Variants in ANKS1B observed in about 807,000 individuals in gnomAD.
ANKS1B encodes the protein ankyrin repeat and sterile alpha motif domain-containing protein 1B.
A neutral mutation model predicts 148.3 loss-of-function variants in ANKS1B; 36 were observed. The observed-to-expected ratio is 0.24, with a 90% confidence interval of 0.19 to 0.32. The LOEUF (loss-of-function observed/expected upper bound fraction) is 0.32, where lower values mean the gene tolerates loss of function less well. ANKS1B is among the 10% of genes least tolerant of loss of function. The pLI, the probability that ANKS1B is intolerant of heterozygous loss-of-function variation, is 1.00. For synonymous variants in ANKS1B, 542 were observed against 560.8 expected, an observed-to-expected ratio of 0.97 and a Z score of 0.47; for missense variants, 1,157 against 1,542.6, an observed-to-expected ratio of 0.75 and a Z score of 4.19.
At chr12:98,933,590 C>G (rs1427577903) in intron 17 of ANKS1B, among the ~76,000 whole-genome samples, 1 of 152,020 alleles carries the variant, frequency 6.6e-6, no homozygotes, top group East Asian at 1.9e-4. Context: ...CTTTTCATAG[C>G]AGCTATACCA....
chr12:99,758,467 C>A (rs1005059701), intron 8 of ANKS1B, among the ~76,000 whole-genome samples: 3 of 151,786 alleles, frequency 2.0e-5, no homozygotes, highest in African/African-American at 7.2e-5. Context: ...GTGTTAGGTA[C>A]TCCATACTTA....
At chr12:99,448,396 C>G (rs973510702) in intron 10 of ANKS1B, among the ~76,000 whole-genome samples, 7 of 152,084 alleles carry the variant, frequency 4.6e-5, no homozygotes, top group African/African-American at 1.7e-4. Flanking sequence ...TAAACAAAGT[C>G]GAACTCACAG....
rs182749165 is a variant in ANKS1B, at chr12:98,829,652, T to C, written c.2887-299A>G. Among the ~76,000 whole-genome samples, 443 of 152,324 alleles carry C rather than the reference T, an allele frequency of 2.9e-3. 10 individuals carry two copies. Among genetic ancestry groups the C allele is most frequent in the Admixed American group, 0.027 (415 of 15,302 alleles). ...CTATGTTGGGCACCTCTGACACTAC[T>C]GCATGTGTTTACAGGGGAGGAACTG... is the stretch of plus-strand genomic sequence containing the variant. On this transcript the variant is annotated intron_variant, in intron 18 of 26. Transcript: ENST00000683438. The surrounding 1 kb of genome is among the most constrained non-coding windows in gnomAD (Gnocchi z 5.2).
At chr12:99,648,011 C>A (rs1598796380) in intron 9 of ANKS1B, 2 of 958,222 alleles carry the variant, frequency 2.1e-6, no homozygotes, top group East Asian at 2.6e-5. Context: ...GTAATCAATA[C>A]CCCACCCTCC....
At chr12:99,601,013 C>T (rs538889178) in intron 9 of ANKS1B, among the ~76,000 whole-genome samples, 279 of 152,062 alleles carry the variant, frequency 1.8e-3, no homozygotes, top group Non-Finnish European at 3.0e-3. Flanking sequence ...GGGACCATGC[C>T]AGATAGTAGT....
At chr12:99,430,359 AGAG>A (rs2095348588) in intron 11 of ANKS1B, among the ~76,000 whole-genome samples, 1 of 152,174 alleles carries the variant, frequency 6.6e-6, no homozygotes, top group African/African-American at 2.4e-5. Flanking sequence ...AAAGAGAAGT[AGAG>A]GAGGAGTCTA....
At chr12:98,876,014 T>C (rs541645431) in intron 17 of ANKS1B, among the ~76,000 whole-genome samples, 1 of 152,280 alleles carries the variant, frequency 6.6e-6, no homozygotes, top group South Asian at 2.1e-4. Context: ...TAACAAAAAC[T>C]GAAGGACAGG....
At chr12:98,989,665 C>G (rs2099925385) in intron 17 of ANKS1B, among the ~76,000 whole-genome samples, 1 of 152,082 alleles carries the variant, frequency 6.6e-6, no homozygotes, top group Non-Finnish European at 1.5e-5. Context: ...ATGAGCCAGG[C>G]ACGGTGGCTT....
At position 99,189,558 on chromosome 12, in the gene ANKS1B, C is replaced by T. The variant is rs1395929829; in HGVS notation, c.2420-35163G>A. ...TTCAATATATATACAAATCAATAAA[C>T]ATTATCCATGACATAAACAGAACCA... is the stretch of plus-strand genomic sequence containing the variant. On this transcript the variant is annotated intron_variant, in intron 14 of 26. Coordinates refer to ENST00000683438, the MANE Select transcript of ANKS1B (RefSeq NM_001352186.2). Among the ~76,000 whole-genome samples the T allele has an allele frequency of 2.0e-5, 3 of 152,250 alleles. No homozygotes were observed. The East Asian group carries it at 5.8e-4, about 29-fold the overall frequency.
At chr12:99,449,410 C>T (rs572508206) in intron 10 of ANKS1B, among the ~76,000 whole-genome samples, 58 of 152,150 alleles carry the variant, frequency 3.8e-4, no homozygotes, top group African/African-American at 1.2e-3. Context: ...TTAAAAGCAT[C>T]GAAACTTATA....
chr12:99,616,614 T>G (rs561834426), intron 9 of ANKS1B, among the ~76,000 whole-genome samples: 1 of 152,314 alleles, frequency 6.6e-6, no homozygotes, highest in Admixed American at 6.5e-5. Flanking sequence ...CTGAACCCCT[T>G]TCTTACATCT....
chr12:99,955,995 C>A (rs2095317367), intron 1 of ANKS1B, among the ~76,000 whole-genome samples: 1 of 152,070 alleles, frequency 6.6e-6, no homozygotes. Context: ...TGGGATGAGG[C>A]TGGGTGCCAT....
At chr12:99,635,906 T>C (rs943715587) in intron 9 of ANKS1B, among the ~76,000 whole-genome samples, 2 of 152,022 alleles carry the variant, frequency 1.3e-5, no homozygotes, top group Non-Finnish European at 2.9e-5. Flanking sequence ...AGATAAATTA[T>C]AAATCTGAAA....
At chr12:99,294,750 T>A (rs2080596244) in intron 12 of ANKS1B, among the ~76,000 whole-genome samples, 1 of 151,886 alleles carries the variant, frequency 6.6e-6, no homozygotes, top group Admixed American at 6.6e-5. Flanking sequence ...GCCTTCCAGG[T>A]TCAAGCAATT....
At chr12:99,236,080 C>T (rs987093128) in intron 14 of ANKS1B, among the ~76,000 whole-genome samples, 3 of 152,144 alleles carry the variant, frequency 2.0e-5, no homozygotes, top group South Asian at 2.1e-4. Flanking sequence ...TTTTCACCAG[C>T]GCTGGAAGTG....
At chr12:99,319,446 AT>A (rs1281513189) in intron 12 of ANKS1B, among the ~76,000 whole-genome samples, 1 of 151,910 alleles carries the variant, frequency 6.6e-6, no homozygotes, top group African/African-American at 2.4e-5. Context: ...GTCTCTTTTG[AT>A]CTTTGTTGGT....
chr12:99,949,161 A>G (rs2095149890), intron 1 of ANKS1B, among the ~76,000 whole-genome samples: 1 of 152,166 alleles, frequency 6.6e-6, no homozygotes, highest in South Asian at 2.1e-4. Context: ...TACAGATTCA[A>G]ATTCAAGACT....
chr12:99,913,251 G>C (rs935696429), intron 1 of ANKS1B, among the ~76,000 whole-genome samples: 3 of 151,982 alleles, frequency 2.0e-5, no homozygotes, highest in Non-Finnish European at 4.4e-5. Flanking sequence ...AGATTCCTTT[G>C]AAAAATTAAT....
chr12:99,663,364 C>T (rs2098487301), intron 8 of ANKS1B, among the ~76,000 whole-genome samples: 1 of 152,012 alleles, frequency 6.6e-6, no homozygotes, highest in South Asian at 2.1e-4. Context: ...GATCAGAAAC[C>T]CTACTGTTAA....
Sources: allele counts gnomAD v4.1 joint callset (sites outside exome capture counted in the v4.1 genomes callset), GRCh38; gene constraint gnomAD v4.1.1; non-coding constraint Gnocchi (gnomAD v3.1); transcripts MANE v1.5; gene names NCBI Gene and HGNC (gene_info 2026-07-23, HGNC 2026-07-21).